Variants in ITPR2 observed in about 807,000 individuals in gnomAD.
ITPR2 encodes inositol 1,4,5-trisphosphate receptor type 2.
In ITPR2, 207 loss-of-function variants were observed where a neutral mutation model predicts 317.1. The ratio of observed to expected loss-of-function variants is 0.65; its 90% CI spans 0.58 to 0.73. The LOEUF (loss-of-function observed/expected upper bound fraction) is 0.73, where lower values mean the gene tolerates loss of function less well. Among genes scored for constraint, ITPR2 ranks in the 30% least tolerant of loss-of-function variants. The pLI is 0.00. For missense variants in ITPR2, 2,613 were observed against 3,284.0 expected, an observed-to-expected ratio of 0.80 and a Z score of 4.99; for synonymous variants, 1,156 against 1,149.1, an observed-to-expected ratio of 1.01 and a Z score of -0.12.
At position 26,578,765 on chromosome 12, in the gene ITPR2, G is replaced by C. The variant is rs763094967; in HGVS notation, c.4578C>G (p.Asn1526Lys). ...AFRIYNCTWP[N>K]PAQKASVESC... is the part of the protein sequence containing the mutation. The stretch of plus-strand genomic sequence containing the variant: ...ATTCCACTGAGGCTTTCTGCGCTGG[G>C]TTTGGCCAGGTGCAATTGTAAATTC... The change falls in exon 34 of 57, where the codon AAC (asparagine) becomes AAG (lysine). Residue 1526 changes from asparagine to lysine, a missense_variant. Asn to Lys is a moderately conservative substitution (Grantham distance 94, BLOSUM62 0). Coordinates refer to ENST00000381340, the MANE Select transcript of ITPR2 (RefSeq NM_002223.4). 1.1e-5 allele frequency: 17 copies of C among 1,611,450 alleles called. No individual in the cohort carries two copies. The highest frequency in any genetic ancestry group is 1.4e-5 in the Non-Finnish European group (17 of 1,178,120).
chr12:26,767,181 T>A (rs990461561), intron 2 of ITPR2, among the ~76,000 whole-genome samples: 1 of 152,110 alleles, frequency 6.6e-6, no homozygotes, highest in African/African-American at 2.4e-5. Context: ...TTTGTTAAAG[T>A]TCTTCACATG....
chr12:26,730,749 C>G (rs937569624), intron 2 of ITPR2, among the ~76,000 whole-genome samples: 1 of 152,132 alleles, frequency 6.6e-6, no homozygotes, highest in Non-Finnish European at 1.5e-5. Flanking sequence ...CAGAAGTGTT[C>G]ATTTTAAACT....
At position 26,426,423 on chromosome 12, in the gene ITPR2, T is replaced by C. The variant is rs561837931; in HGVS notation, c.6945+1490A>G. 4.6e-5 allele frequency among the ~76,000 whole-genome samples: 7 copies of C among 152,320 alleles called. No individual in the cohort carries two copies. In the South Asian group the frequency reaches 1.5e-3, roughly 32 times the overall value. The stretch of plus-strand genomic sequence containing the variant: ...GCATTGAAAGTACACATTCAGTTCA[T>C]GTAAACATTTTCTGAATGTTTCAAT... On this transcript the variant is annotated intron_variant, in intron 49 of 56. Transcript: ENST00000381340.
intron 10 of ITPR2, among the ~76,000 whole-genome samples, chr12:26,694,194 C>T (rs1948292274): frequency 6.6e-6 from 1 of 152,220 alleles, no homozygotes; most frequent in East Asian, 1.9e-4. Context: ...CAAGGCCACT[C>T]TGTGACTGTG....
chr12:26,494,563 A>T (rs1942889483), intron 38 of ITPR2, among the ~76,000 whole-genome samples: 1 of 152,034 alleles, frequency 6.6e-6, no homozygotes, highest in Non-Finnish European at 1.5e-5. Flanking sequence ...TGAGGTCAGG[A>T]GTCTGAGACC....
chr12:26,600,189 C>CA (rs1945961303), intron 28 of ITPR2, 80 bp from the exon 29 acceptor site: 2 of 1,262,720 alleles, frequency 1.6e-6, no homozygotes, highest in South Asian at 2.8e-5. Context: ...CCTTCACCCA[C>CA]ATACCATTTT....
intron 37 of ITPR2, among the ~76,000 whole-genome samples, chr12:26,547,926 A>G (rs1199885225): frequency 1.3e-5 from 2 of 152,238 alleles, no homozygotes; most frequent in African/African-American, 4.8e-5. Context: ...AATGCAAAAA[A>G]TTTGTAAAAC....
At chr12:26,423,271 G>T (rs763151993) in intron 49 of ITPR2, among the ~76,000 whole-genome samples, 9 of 152,112 alleles carry the variant, frequency 5.9e-5, no homozygotes, top group Non-Finnish European at 8.8e-5. Flanking sequence ...TATGTTAAAT[G>T]AACATATGGT....
intron 37 of ITPR2, among the ~76,000 whole-genome samples, chr12:26,518,485 T>C (rs1943584996): frequency 6.6e-6 from 1 of 151,898 alleles, no homozygotes; most frequent in South Asian, 2.1e-4. Context: ...AATTTACCTA[T>C]ATAACAAACA....
chr12:26,351,977 A>G lies in ITPR2; in HGVS notation c.7858-11649T>C, dbSNP rs115675019. 7.2e-3 allele frequency among the ~76,000 whole-genome samples: 1,097 copies of G among 152,332 alleles called. 15 individuals carry two copies. The highest frequency in any genetic ancestry group is 0.025 in the African/African-American group (1,051 of 41,570). On this transcript the variant is annotated intron_variant, in intron 55 of 56. Coordinates refer to ENST00000381340, the MANE Select transcript of ITPR2 (RefSeq NM_002223.4). ...TAGAGATTTCTTCATGGTGAGATTA[A>G]GGGAAAACATTTGGAATAGGGTATT...
At chr12:26,548,744 T>C (rs1944449640) in intron 37 of ITPR2, among the ~76,000 whole-genome samples, 2 of 152,082 alleles carry the variant, frequency 1.3e-5, no homozygotes, top group Non-Finnish European at 2.9e-5. Context: ...AAGGGAGCAG[T>C]TCTGTCTCAG....
intron 2 of ITPR2, among the ~76,000 whole-genome samples, chr12:26,770,610 G>A (rs1949822657): frequency 6.6e-6 from 1 of 152,156 alleles, no homozygotes; most frequent in Admixed American, 6.5e-5. Flanking sequence ...ACTTCTCTGT[G>A]CCTCAACTTC....
intron 46 of ITPR2, among the ~76,000 whole-genome samples, chr12:26,441,939 T>C (rs1047790768): frequency 6.6e-6 from 1 of 152,090 alleles, no homozygotes; most frequent in African/African-American, 2.4e-5. Flanking sequence ...TATATAACTA[T>C]ATAGAGATCT....
chr12:26,411,579 T>C (rs2291468), intron 51 of ITPR2, among the ~76,000 whole-genome samples, 167 bp from the exon 52 acceptor site: 15,392 of 152,264 alleles, frequency 0.1, 832 homozygotes, highest in South Asian at 0.18. Context: ...GTTTTGCCTA[T>C]TGAAGCAATT....
At chr12:26,703,710 CT>C (rs1948498125) in intron 9 of ITPR2, among the ~76,000 whole-genome samples, 1 of 152,150 alleles carries the variant, frequency 6.6e-6, no homozygotes, top group South Asian at 2.1e-4. Context: ...GCCTGGATTT[CT>C]TTTTCTGTAA....
At chr12:26,446,743 A>AAC (rs1555129195) in intron 45 of ITPR2, among the ~76,000 whole-genome samples, 5 of 151,086 alleles carry the variant, frequency 3.3e-5, no homozygotes, top group African/African-American at 1.2e-4. Context: ...AAAAAAAAAA[A>AAC]AAAAAACACC....
At chr12:26,777,835 T>C (rs1246086187) in intron 2 of ITPR2, among the ~76,000 whole-genome samples, 1 of 152,184 alleles carries the variant, frequency 6.6e-6, no homozygotes, top group Non-Finnish European at 1.5e-5. Context: ...TGTTAATCTT[T>C]CTCCCATCCT....
At chr12:26,776,597 A>G (rs1949975439) in intron 2 of ITPR2, among the ~76,000 whole-genome samples, 1 of 152,216 alleles carries the variant, frequency 6.6e-6, no homozygotes. Flanking sequence ...GATGTATGGG[A>G]GGACCCTGAT....
At chr12:26,609,072 C>G (rs955215357) in intron 26 of ITPR2, among the ~76,000 whole-genome samples, 7 of 152,116 alleles carry the variant, frequency 4.6e-5, no homozygotes, top group African/African-American at 1.4e-4. Flanking sequence ...CTCACCCAGA[C>G]GGACATGGTT....
Sources: gnomAD v4.1 joint callset for allele counts (sites outside exome capture counted in the v4.1 genomes callset) on GRCh38, gnomAD v4.1.1 for gene constraint, MANE v1.5 for transcripts, NCBI Gene and HGNC (gene_info 2026-07-23, HGNC 2026-07-21) for gene names.